Variants in MAGI2 observed in about 807,000 individuals in gnomAD.
MAGI2 encodes the protein membrane associated guanylate kinase, WW and PDZ domain containing 2, also known as membrane-associated guanylate kinase, WW and PDZ domain-containing protein 2.
MAGI2 carries 35 observed loss-of-function variants against 133.3 expected under a neutral mutation model. That is an observed-to-expected ratio of 0.26 (90% CI 0.20 to 0.35). The LOEUF (loss-of-function observed/expected upper bound fraction) is 0.35, where lower values mean the gene tolerates loss of function less well. Among genes scored for constraint, MAGI2 ranks in the 10% least tolerant of loss-of-function variants. The pLI is 1.00. For missense variants in MAGI2, 1,636 were observed against 1,863.4 expected, an observed-to-expected ratio of 0.88 and a Z score of 2.25; for synonymous variants, 729 against 710.6, an observed-to-expected ratio of 1.03 and a Z score of -0.41.
intron 2 of MAGI2, among the ~76,000 whole-genome samples, chr7:78,764,949 G>A (rs1824859790): frequency 6.6e-6 from 1 of 152,184 alleles, no homozygotes; most frequent in Admixed American, 6.5e-5. Context: ...CTTCGGATGA[G>A]ACCTAGAAGG....
intron 1 of MAGI2, among the ~76,000 whole-genome samples, chr7:79,375,267 AT>A (rs1001439962): frequency 3.9e-5 from 6 of 151,948 alleles, no homozygotes; most frequent in Admixed American, 2.0e-4. Flanking sequence ...CATCAGAAAG[AT>A]TTTGGCATTA....
intron 20 of MAGI2, among the ~76,000 whole-genome samples, chr7:78,110,675 A>C (rs1819269465): frequency 6.6e-6 from 1 of 152,194 alleles, no homozygotes; most frequent in Non-Finnish European, 1.5e-5. Flanking sequence ...ATATTTTGTC[A>C]AGTTGAACCA....
intron 2 of MAGI2, among the ~76,000 whole-genome samples, chr7:78,912,733 C>CAT (rs1186501299): frequency 6.2e-5 from 9 of 144,156 alleles, no homozygotes; most frequent in East Asian, 2.0e-4. Flanking sequence ...ATATATCATT[C>CAT]ATATATATAT....
At chr7:78,436,551 A>C (rs1562992484) in intron 6 of MAGI2, among the ~76,000 whole-genome samples, 1 of 152,128 alleles carries the variant, frequency 6.6e-6, no homozygotes, top group Non-Finnish European at 1.5e-5. Flanking sequence ...AGAACAAATA[A>C]ATTTTAAAAA....
At chr7:78,779,635 T>A (rs762709873) in intron 2 of MAGI2, among the ~76,000 whole-genome samples, 26 of 152,306 alleles carry the variant, frequency 1.7e-4, no homozygotes, top group Admixed American at 3.3e-4. Flanking sequence ...GACCTTCTCT[T>A]CGAAACACAG....
At chr7:78,320,373 AT>A (rs1188317532) in intron 9 of MAGI2, among the ~76,000 whole-genome samples, 4 of 152,226 alleles carry the variant, frequency 2.6e-5, no homozygotes, top group Admixed American at 6.5e-5. Context: ...AAAGTCCTCA[AT>A]AAAATACCGG....
intron 4 of MAGI2, among the ~76,000 whole-genome samples, chr7:78,505,201 G>T (rs987260665): frequency 6.6e-6 from 1 of 151,918 alleles, no homozygotes; most frequent in Non-Finnish European, 1.5e-5. Flanking sequence ...AATTGCATGG[G>T]CCAATTTTTC....
At chr7:78,913,981 G>A (rs1214390082) in intron 2 of MAGI2, among the ~76,000 whole-genome samples, 1 of 152,166 alleles carries the variant, frequency 6.6e-6, no homozygotes, top group African/African-American at 2.4e-5. Context: ...AAGGTGACAT[G>A]AATGCCTGGG....
chr7:78,858,452 T>G (rs1793851255), intron 2 of MAGI2, among the ~76,000 whole-genome samples: 1 of 152,232 alleles, frequency 6.6e-6, no homozygotes, highest in Non-Finnish European at 1.5e-5. Context: ...GTATGTTGTG[T>G]CTTTGTTCTC....
chr7:79,134,906 A>G (rs1821242641), intron 1 of MAGI2, among the ~76,000 whole-genome samples: 2 of 152,206 alleles, frequency 1.3e-5, no homozygotes, highest in Admixed American at 1.3e-4. Context: ...GTGTATTAAT[A>G]GAGGGTTAGA....
chr7:79,097,642 C>T (rs764353521), intron 1 of MAGI2, among the ~76,000 whole-genome samples: 1 of 152,056 alleles, frequency 6.6e-6, no homozygotes, highest in African/African-American at 2.4e-5. Context: ...GTGGTGAAGG[C>T]CAAGAGAAGT....
chr7:78,109,844 AGGG>A (rs1295699295), intron 20 of MAGI2, among the ~76,000 whole-genome samples: 1 of 152,180 alleles, frequency 6.6e-6, no homozygotes, highest in African/African-American at 2.4e-5. Context: ...AGCAAAGACA[AGGG>A]TCTGTATTGT....
In MAGI2 at chr7:79,322,225, G is replaced by A. The variant is rs1839234257; in HGVS notation, c.301+130795C>T. On this transcript the variant is annotated intron_variant, in intron 1 of 21. Coordinates refer to ENST00000354212, the MANE Select transcript of MAGI2 (RefSeq NM_012301.4). ...TTTTCCAATTTTGCAAATAATTAAA[G>A]TAAGGTACAGAGAGATTACAAGAAT... Among the ~76,000 whole-genome samples the A allele has an allele frequency of 2.0e-5, 3 of 152,154 alleles. No individual in the cohort carries two copies. In the South Asian group the frequency reaches 6.2e-4, roughly 31 times the overall value.
intron 9 of MAGI2, among the ~76,000 whole-genome samples, chr7:78,300,237 G>C (rs995330788): frequency 2.2e-4 from 33 of 152,120 alleles, no homozygotes; most frequent in Admixed American, 2.1e-3. Context: ...ATTTAATGAA[G>C]AATCGAAAAT....
At chr7:78,975,345 T>C (rs542437360) in intron 2 of MAGI2, among the ~76,000 whole-genome samples, 138 of 151,806 alleles carry the variant, frequency 9.1e-4, no homozygotes, top group African/African-American at 3.2e-3. Flanking sequence ...CACCAAGAAA[T>C]TAATCTAAAA....
rs181796739 is a variant in MAGI2, at chr7:79,356,574, T to A, written c.301+96446A>T. ...ATGTTCTCAGTTTCCAAAGCCTTGA[T>A]ATTTTATTGACCTTCAAAAAAGAAA... On this transcript the variant is annotated intron_variant, in intron 1 of 21. Coordinates refer to ENST00000354212, the MANE Select transcript of MAGI2 (RefSeq NM_012301.4). Among the ~76,000 whole-genome samples the A allele has an allele frequency of 2.0e-5, 3 of 152,336 alleles. No homozygotes were observed. In the East Asian group the frequency reaches 5.8e-4, roughly 29 times the overall value.
intron 1 of MAGI2, among the ~76,000 whole-genome samples, chr7:79,223,596 A>G (rs537314753): frequency 4.6e-5 from 7 of 152,130 alleles, no homozygotes; most frequent in Admixed American, 4.6e-4. Context: ...GGGAGGCCAA[A>G]GTGAGAGAAT....
chr7:79,399,095 CTTT>C lies in MAGI2; in HGVS notation c.301+53922_301+53924del, dbSNP rs767332496. Among the ~76,000 whole-genome samples, 7 of 106,288 alleles carry C rather than the reference CTTT, an allele frequency of 6.6e-5. 1 individual carries two copies. Among genetic ancestry groups the C allele is most frequent in the African/African-American group, 2.0e-4 (5 of 25,010 alleles). 69.7% of individuals were successfully genotyped at this position (106,288 alleles called of 152,430 possible). On this transcript the variant is annotated intron_variant, in intron 1 of 21. Coordinates refer to ENST00000354212, the MANE Select transcript of MAGI2 (RefSeq NM_012301.4). ...GTATTATTTCTTTTTTTTTTCTTTT[CTTT>C]TTTTTTTTTTTTGGGAGATGGAGCC...
At chr7:79,399,079 C>CTTTTTTTTTTTTTTTT (rs1197197628) in intron 1 of MAGI2, among the ~76,000 whole-genome samples, 1 of 114,610 alleles carries the variant, frequency 8.7e-6, no homozygotes, top group African/African-American at 3.7e-5. Flanking sequence ...AGTATTATTT[C>CTTTTTTTTTTTTTTTT]TTTTTTTTTT....
Sources: gnomAD v4.1 joint callset for allele counts (sites outside exome capture counted in the v4.1 genomes callset) on GRCh38, gnomAD v4.1.1 for gene constraint, MANE v1.5 for transcripts, NCBI Gene and HGNC (gene_info 2026-07-23, HGNC 2026-07-21) for gene names.